Variants in PTPRM observed in about 807,000 individuals in gnomAD.
The protein encoded by PTPRM is receptor-type tyrosine-protein phosphatase mu.
In PTPRM, 47 loss-of-function variants were observed where a neutral mutation model predicts 186.7. That is an observed-to-expected ratio of 0.25 (90% CI 0.20 to 0.32). The LOEUF (loss-of-function observed/expected upper bound fraction) is 0.32. Among genes scored for constraint, PTPRM ranks in the 10% least tolerant of loss-of-function variants. The pLI is 1.00. For missense variants in PTPRM, 1,494 were observed against 1,865.0 expected (o/e 0.80, Z 3.66); for synonymous variants, 668 against 674.9 (o/e 0.99, Z 0.16).
chr18:8,406,315 T>G lies in PTPRM; in HGVS notation c.*153T>G. 1 of 680,438 alleles carries G rather than the reference T, an allele frequency of 1.5e-6. No homozygotes were observed. The highest frequency in any genetic ancestry group is 2.5e-6 in the Non-Finnish European group (1 of 405,622). The allele number at this position is 680,438 out of a possible 1,614,324, so 42.2% of individuals were successfully genotyped here. The stretch of plus-strand genomic sequence containing the variant: ...GAGCCCAAGAAAGTGTTTCTAAAAT[T>G]GCTTGCACTGCCCAATCCCAGTAAT... On this transcript the variant is annotated 3_prime_UTR_variant, in exon 33 of 33. Transcript: ENST00000580170.
chr18:7,803,172 A>G (rs1352873746), intron 2 of PTPRM, among the ~76,000 whole-genome samples: 1 of 152,228 alleles, frequency 6.6e-6, no homozygotes, highest in Admixed American at 6.5e-5. Context: ...GCTTATATTA[A>G]GAAAAAACTT....
intron 1 of PTPRM, among the ~76,000 whole-genome samples, chr18:7,619,692 G>T (rs2037890931): frequency 6.6e-6 from 1 of 152,168 alleles, no homozygotes; most frequent in Non-Finnish European, 1.5e-5. Context: ...CGAATGTGTT[G>T]TCCAATGAAC....
At chr18:7,973,065 A>G (rs867290698) in intron 7 of PTPRM, among the ~76,000 whole-genome samples, 2 of 152,156 alleles carry the variant, frequency 1.3e-5, no homozygotes, top group African/African-American at 2.4e-5. Flanking sequence ...CACATATAAT[A>G]TATATAACCC....
At chr18:7,674,987 A>G (rs965368219) in intron 1 of PTPRM, among the ~76,000 whole-genome samples, 2 of 152,222 alleles carry the variant, frequency 1.3e-5, no homozygotes, top group Admixed American at 6.5e-5. Context: ...AGCTTTTGTT[A>G]TATTAATAGA....
At chr18:7,696,131 G>T (rs1262439799) in intron 1 of PTPRM, among the ~76,000 whole-genome samples, 1 of 152,098 alleles carries the variant, frequency 6.6e-6, no homozygotes, top group Admixed American at 6.5e-5. Flanking sequence ...CAAGAAAATG[G>T]CTCACTTGTA....
intron 20 of PTPRM, among the ~76,000 whole-genome samples, chr18:8,310,209 A>G (rs1004543315): frequency 5.9e-5 from 9 of 151,870 alleles, no homozygotes; most frequent in African/African-American, 2.2e-4. Flanking sequence ...AGCCCTGTCC[A>G]CTAGCCCTCT....
chr18:8,201,701 T>C (rs1218438846), intron 14 of PTPRM, among the ~76,000 whole-genome samples: 2 of 152,186 alleles, frequency 1.3e-5, no homozygotes, highest in Non-Finnish European at 2.9e-5. Flanking sequence ...GAGAGTTCTC[T>C]TCCTCTTCTA....
At chr18:8,330,655 A>T (rs1465799391) in intron 22 of PTPRM, among the ~76,000 whole-genome samples, 15 of 139,516 alleles carry the variant, frequency 1.1e-4, no homozygotes, top group Non-Finnish European at 1.6e-4. Flanking sequence ...GCTGCCGTTC[A>T]TTTTTTTTTT....
intron 13 of PTPRM, among the ~76,000 whole-genome samples, chr18:8,129,582 G>A (rs567866159): frequency 6.6e-6 from 1 of 152,212 alleles, no homozygotes; most frequent in Non-Finnish European, 1.5e-5. Flanking sequence ...ACTGCTGTGT[G>A]ATTAACGTTG....
intron 1 of PTPRM, among the ~76,000 whole-genome samples, chr18:7,689,295 C>A (rs543028818): frequency 2.0e-5 from 3 of 152,338 alleles, no homozygotes; most frequent in Admixed American, 6.5e-5. Context: ...TCCCTGAGTT[C>A]TAGGCAGTGT....
chr18:7,765,411 T>C (rs1273293037), intron 1 of PTPRM, among the ~76,000 whole-genome samples: 1 of 152,224 alleles, frequency 6.6e-6, no homozygotes, highest in East Asian at 1.9e-4. Flanking sequence ...GCTTAGTGTC[T>C]GATTCACTAA....
intron 7 of PTPRM, among the ~76,000 whole-genome samples, chr18:7,989,144 A>G (rs2083126979): frequency 6.6e-6 from 1 of 151,718 alleles, no homozygotes; most frequent in Non-Finnish European, 1.5e-5. Flanking sequence ...ATTTATCCTA[A>G]TTACCACTGA....
chr18:7,908,489 A>G (rs2050108745), intron 4 of PTPRM, among the ~76,000 whole-genome samples: 1 of 152,194 alleles, frequency 6.6e-6, no homozygotes, highest in Non-Finnish European at 1.5e-5. Flanking sequence ...TTTATAGAGA[A>G]GACCTGTGTG....
intron 19 of PTPRM, among the ~76,000 whole-genome samples, chr18:8,295,272 C>T (rs2155755): frequency 0.66 from 100,009 of 151,918 alleles, 33,563 homozygotes; most frequent in African/African-American, 0.76. Context: ...GTTGGACCCA[C>T]AAAAAGGAAT....
chr18:8,214,433 A>G (rs1484487216), intron 14 of PTPRM, among the ~76,000 whole-genome samples: 1 of 152,160 alleles, frequency 6.6e-6, no homozygotes, highest in Non-Finnish European at 1.5e-5. Context: ...TTCCAATTTC[A>G]TTTATTAAAT....
At chr18:7,905,758 TC>T (rs2049946158) in intron 3 of PTPRM, among the ~76,000 whole-genome samples, 1 of 152,224 alleles carries the variant, frequency 6.6e-6, no homozygotes, top group Non-Finnish European at 1.5e-5. Flanking sequence ...TGGGAGGTCC[TC>T]CATGTGTATA....
At chr18:8,304,403 G>A (rs141617222) in intron 20 of PTPRM, among the ~76,000 whole-genome samples, 2 of 152,200 alleles carry the variant, frequency 1.3e-5, no homozygotes, top group Admixed American at 6.5e-5. Flanking sequence ...ATTCTTCAAC[G>A]CTAAGCACTG....
intron 7 of PTPRM, among the ~76,000 whole-genome samples, chr18:8,002,952 C>CTGA (rs1473534963): frequency 6.6e-6 from 1 of 152,012 alleles, no homozygotes; most frequent in Non-Finnish European, 1.5e-5. Context: ...TGATTAAAAA[C>CTGA]TGAAATATCA....
Position 7,807,901 on chromosome 18 carries a change from C to T in PTPRM, c.196+33630C>T, listed in dbSNP as rs544277745. Among the ~76,000 whole-genome samples, 3 of 152,272 alleles carry T rather than the reference C, an allele frequency of 2.0e-5. No individual in the cohort carries two copies. In the South Asian group the frequency reaches 6.2e-4, roughly 32 times the overall value. On this transcript the variant is annotated intron_variant, in intron 2 of 32. Coordinates refer to ENST00000580170, the MANE Select transcript of PTPRM (RefSeq NM_001105244.2). Reference sequence around the variant, plus strand: ...TTAAATGGGTGTAGGTTTTGCCCCCCATAATTTACCCTGCAGGTACAAACA... The same window carrying T: ...TTAAATGGGTGTAGGTTTTGCCCCCTATAATTTACCCTGCAGGTACAAACA...
Sources: allele counts gnomAD v4.1 joint callset (sites outside exome capture counted in the v4.1 genomes callset), GRCh38; gene constraint gnomAD v4.1.1; transcripts MANE v1.5; gene names NCBI Gene and HGNC (gene_info 2026-07-23, HGNC 2026-07-21).